The following DYNC2I1 variants were observed in gnomAD, a reference collection of about 807,000 sequenced individuals.
DYNC2I1 encodes dynein 2 intermediate chain 1, also known as cytoplasmic dynein 2 intermediate chain 1.
In DYNC2I1, 89 loss-of-function variants were observed where a neutral mutation model predicts 133.4. That is an observed-to-expected ratio of 0.67 (90% confidence interval 0.56 to 0.80). The LOEUF (loss-of-function observed/expected upper bound fraction) is 0.80, where lower values mean the gene tolerates loss of function less well. DYNC2I1 is among the 30% of genes least tolerant of loss of function. The probability of loss-of-function intolerance (pLI) is 0.00; values close to 1 mark genes in which losing one functional copy is unlikely to be tolerated. For synonymous variants in DYNC2I1, 504 were observed against 484.3 expected (o/e 1.04, Z -0.54); for missense variants, 1,291 against 1,314.5 (o/e 0.98, Z 0.28).
Position 158,869,853 on chromosome 7 carries a change from A to G in DYNC2I1, c.16-2A>G, listed in dbSNP as rs2129477309. The stretch of plus-strand genomic sequence containing the variant: ...ATTCTAACTTTATACTTTTCTATTT[A>G]GAGAAGAACCAAAGATGATACCTGG... On this transcript the variant is annotated splice_acceptor_variant, in intron 1 of 24. Coordinates refer to ENST00000407559, the MANE Select transcript of DYNC2I1 (RefSeq NM_018051.5). LOFTEE classifies it high-confidence loss of function. 1 of 1,610,652 alleles carries G rather than the reference A, an allele frequency of 6.2e-7. No individual in the cohort carries two copies. Among genetic ancestry groups the G allele is most frequent in the Non-Finnish European group, 8.5e-7 (1 of 1,177,374 alleles).
intron 7 of DYNC2I1, among the ~76,000 whole-genome samples, chr7:158,888,548 CTCAACCTCTGCCTCCTGGGTTCAAGCGAT>C (rs1271285546): frequency 6.6e-6 from 1 of 151,568 alleles, no homozygotes; most frequent in East Asian, 1.9e-4. Flanking sequence ...CTCAGCTCAC[CTCAACCTCTGCCTCCTGGGTTCAAGCGAT>C]TCGTGCCTCA....
intron 1 of DYNC2I1, 35 bp downstream of exon 1, chr7:158,856,785 C>G (rs1841278856): frequency 8.1e-6 from 10 of 1,232,988 alleles, no homozygotes; most frequent in Non-Finnish European, 1.0e-5. Context: ...GAGGGGTGGT[C>G]GAGCTTCGCG....
At chr7:158,862,749 C>T (rs1046296033) in intron 1 of DYNC2I1, among the ~76,000 whole-genome samples, 14 of 151,618 alleles carry the variant, frequency 9.2e-5, no homozygotes, top group African/African-American at 2.7e-4. Flanking sequence ...CACAGACCCT[C>T]GCGGCGAGTG....
chr7:158,846,390 T>C, the DYNC2I1 span, among the ~76,000 whole-genome samples: 3 of 152,178 alleles, frequency 2.0e-5, no homozygotes, highest in African/African-American at 7.2e-5. Flanking sequence ...TGAAAGAGAA[T>C]CTTATATGGT....
intron 17 of DYNC2I1, among the ~76,000 whole-genome samples, 160 bp from the exon 18 acceptor site, chr7:158,926,027 G>A (rs765718474): frequency 2.1e-4 from 32 of 152,322 alleles, no homozygotes; most frequent in Middle Eastern, 6.8e-3. Context: ...TGTGTCAGTC[G>A]TGTGTGGTCC....
chr7:158,885,118 G>A (rs576421628), intron 6 of DYNC2I1, among the ~76,000 whole-genome samples: 15 of 152,160 alleles, frequency 9.9e-5, no homozygotes, highest in South Asian at 2.1e-4. Context: ...AGGACGTGCC[G>A]GCGAGTCCCC....
At chr7:158,934,790 G>T (rs1563199514) in intron 23 of DYNC2I1, among the ~76,000 whole-genome samples, 1 of 152,146 alleles carries the variant, frequency 6.6e-6, no homozygotes, top group African/African-American at 2.4e-5. Flanking sequence ...AGGTCTCCCT[G>T]TGTTGCCTAG....
At chr7:158,934,968 A>G (rs1850602078) in intron 23 of DYNC2I1, among the ~76,000 whole-genome samples, 1 of 152,250 alleles carries the variant, frequency 6.6e-6, no homozygotes, top group Non-Finnish European at 1.5e-5. Context: ...AACAAATTTT[A>G]AAAACAAAAC....
At chr7:158,922,066 C>G (rs1272132486) in intron 15 of DYNC2I1, among the ~76,000 whole-genome samples, 1 of 152,164 alleles carries the variant, frequency 6.6e-6, no homozygotes, top group Non-Finnish European at 1.5e-5. Context: ...GCATTACCTC[C>G]CAGCTCTGAG....
chr7:158,850,189 G>C, the DYNC2I1 span, among the ~76,000 whole-genome samples: 4 of 152,230 alleles, frequency 2.6e-5, no homozygotes, highest in African/African-American at 4.8e-5. Context: ...CCTGCACCTG[G>C]GAGAGTGGCC....
chr7:158,854,304 A>G (rs912067138), upstream of DYNC2I1, among the ~76,000 whole-genome samples: 1 of 152,174 alleles, frequency 6.6e-6, no homozygotes, highest in African/African-American at 2.4e-5. Flanking sequence ...CCTAAACCAT[A>G]ATTTCTAATC....
At chr7:158,894,936 T>C (rs1178490965) in intron 8 of DYNC2I1, among the ~76,000 whole-genome samples, 1 of 152,202 alleles carries the variant, frequency 6.6e-6, no homozygotes, top group African/African-American at 2.4e-5. Flanking sequence ...GGAGCATCTT[T>C]TTGTATGTTT....
chr7:158,939,991 G>A (rs543812378), intron 23 of DYNC2I1, among the ~76,000 whole-genome samples: 38 of 152,252 alleles, frequency 2.5e-4, no homozygotes, highest in African/African-American at 8.7e-4. Flanking sequence ...CCCAAGTATA[G>A]AAAGCAAAGA....
At chr7:158,935,717 G>A (rs1375563524) in intron 23 of DYNC2I1, among the ~76,000 whole-genome samples, 1 of 152,208 alleles carries the variant, frequency 6.6e-6, no homozygotes, top group East Asian at 1.9e-4. Context: ...GGATGTGCTG[G>A]AGGTGTGAAA....
At chr7:158,917,758 C>T (rs912864554) in intron 14 of DYNC2I1, among the ~76,000 whole-genome samples, 8 of 152,160 alleles carry the variant, frequency 5.3e-5, no homozygotes, top group African/African-American at 1.2e-4. Flanking sequence ...TTTTCTTGCC[C>T]GTTCCCATCC....
chr7:158,899,814 G>GT (rs1846073784), intron 8 of DYNC2I1, among the ~76,000 whole-genome samples: 1 of 152,132 alleles, frequency 6.6e-6, no homozygotes, highest in African/African-American at 2.4e-5. Context: ...ATGTGGAACT[G>GT]TAAGTCCAAT....
At chr7:158,947,593 G>C (rs188282889), downstream of DYNC2I1, among the ~76,000 whole-genome samples, 12 of 152,312 alleles carry the variant, frequency 7.9e-5, no homozygotes, top group East Asian at 2.1e-3. Context: ...AGGGAGTTCT[G>C]TCTGGCTCCT....
chr7:158,887,100 C>A, intron 7 of DYNC2I1, 25 bp downstream of exon 7: 1 of 1,607,456 alleles, frequency 6.2e-7, no homozygotes, highest in Non-Finnish European at 8.5e-7. Context: ...ACTGAGAATA[C>A]ATTGATTTTA....
chr7:158,863,626 TG>T (rs1244331927), intron 1 of DYNC2I1, among the ~76,000 whole-genome samples: 2 of 21,592 alleles, frequency 9.3e-5, no homozygotes, highest in Non-Finnish European at 1.6e-4. Context: ...CGGGTGTGTT[TG>T]GGGGGGGCGG....
Sources: gnomAD v4.1 joint callset for allele counts (sites outside exome capture counted in the v4.1 genomes callset) on GRCh38, gnomAD v4.1.1 for gene constraint, MANE v1.5 for transcripts, NCBI Gene and HGNC (gene_info 2026-07-23, HGNC 2026-07-21) for gene names.